Variants in TLK2 observed in about 807,000 individuals in gnomAD.
The protein encoded by TLK2 is tousled like kinase 2, also known as serine/threonine-protein kinase tousled-like 2.
A neutral mutation model predicts 117.3 loss-of-function variants in TLK2; 6 were observed. The observed-to-expected ratio is 0.05, with a 90% confidence interval of 0.03 to 0.10. The LOEUF (loss-of-function observed/expected upper bound fraction) is 0.10, where lower values mean the gene tolerates loss of function less well. TLK2 is among the 10% of genes least tolerant of loss of function. TLK2 has a pLI of 1.00. For synonymous variants in TLK2, 257 were observed against 316.7 expected (o/e 0.81, Z 2.00); for missense variants, 299 against 901.2 (o/e 0.33, Z 8.56).
intron 16 of TLK2, among the ~76,000 whole-genome samples, chr17:62,587,068 A>G (rs1400533177): frequency 6.6e-6 from 1 of 151,952 alleles, no homozygotes; most frequent in Non-Finnish European, 1.5e-5. Context: ...TCTATAGAAT[A>G]GTACTAGTGG....
intron 2 of TLK2, among the ~76,000 whole-genome samples, chr17:62,497,091 T>C (rs2073773769): frequency 6.6e-6 from 1 of 151,442 alleles, no homozygotes; most frequent in Non-Finnish European, 1.5e-5. Context: ...ACCCCATCTC[T>C]CCAAAAAATA....
intron 2 of TLK2, among the ~76,000 whole-genome samples, chr17:62,507,124 T>C (rs1029921444): frequency 1.2e-4 from 18 of 152,040 alleles, no homozygotes; most frequent in Non-Finnish European, 2.2e-4. Flanking sequence ...TGGGGTTTTT[T>C]TTGGCGGGGC....
At chr17:62,558,297 G>A (rs1055578453) in intron 9 of TLK2, among the ~76,000 whole-genome samples, 7 of 152,074 alleles carry the variant, frequency 4.6e-5, no homozygotes, top group African/African-American at 1.7e-4. Context: ...CGAACAGCTG[G>A]CATCAGAGGC....
chr17:62,605,690 A>G (rs939571530), intron 19 of TLK2, among the ~76,000 whole-genome samples: 2 of 152,038 alleles, frequency 1.3e-5, no homozygotes, highest in Non-Finnish European at 2.9e-5. Context: ...TTTCCATATA[A>G]GTCTAAGTTG....
At position 62,554,350 on chromosome 17, in the gene TLK2, G is replaced by C. The variant is rs527940183; in HGVS notation, c.720+595G>C. Reference sequence around the variant, plus strand: ...AGCACTTTGGGAGGCCAAGGCAGGTGGATCACTTGAGGTCAGGAGTTTGGG... The same window carrying C: ...AGCACTTTGGGAGGCCAAGGCAGGTCGATCACTTGAGGTCAGGAGTTTGGG... On this transcript the variant is annotated intron_variant, in intron 9 of 21. Transcript: ENST00000346027. Among the ~76,000 whole-genome samples the C allele has an allele frequency of 3.9e-5, 6 of 152,286 alleles. No individual in the cohort carries two copies. The East Asian group carries it at 1.2e-3, about 29-fold the overall frequency.
At chr17:62,607,615 C>A (rs186569335) in intron 20 of TLK2, among the ~76,000 whole-genome samples, 1 of 152,142 alleles carries the variant, frequency 6.6e-6, no homozygotes, top group Non-Finnish European at 1.5e-5. Flanking sequence ...TCTGTCCTTA[C>A]CCCTCTTGGT....
chr17:62,486,808 T>C lies in TLK2; in HGVS notation c.81+5602T>C, dbSNP rs189747399. 2.0e-5 allele frequency among the ~76,000 whole-genome samples: 3 copies of C among 152,282 alleles called. No homozygotes were observed. The East Asian group carries it at 5.8e-4, about 29-fold the overall frequency. The stretch of plus-strand genomic sequence containing the variant: ...AGATCTTTTATAACAGGGATAATGG[T>C]TAACAAATCTGTACATAATCAACTC... On this transcript the variant is annotated intron_variant, in intron 2 of 21. Transcript: ENST00000346027.
intron 7 of TLK2, among the ~76,000 whole-genome samples, chr17:62,540,040 T>C (rs1392543773): frequency 6.6e-6 from 1 of 151,078 alleles, no homozygotes; most frequent in Non-Finnish European, 1.5e-5. Flanking sequence ...CTCCTCCTCC[T>C]CCTCCTCCTC....
At chr17:62,521,938 T>G (rs572790028) in intron 3 of TLK2, among the ~76,000 whole-genome samples, 1 of 152,174 alleles carries the variant, frequency 6.6e-6, no homozygotes, top group Non-Finnish European at 1.5e-5. Context: ...AAATATCTTA[T>G]GAAGGTTTTG....
chr17:62,529,471 T>A (rs191169212), intron 6 of TLK2, among the ~76,000 whole-genome samples: 101 of 152,344 alleles, frequency 6.6e-4, no homozygotes, highest in Non-Finnish European at 1.2e-3. Flanking sequence ...TGGTCTCAAG[T>A]GATCTGCCTG....
In TLK2 at chr17:62,520,412, C is replaced by T. The variant is rs551702908; in HGVS notation, c.82-361C>T. On this transcript the variant is annotated intron_variant, in intron 2 of 21. Transcript: ENST00000346027. The stretch of plus-strand genomic sequence containing the variant: ...GCCCTCAGGGATGGGTGCGGTGGCT[C>T]ACAACTGTAATCCCAGCACTTTGGG... Among the ~76,000 whole-genome samples the T allele has an allele frequency of 5.3e-5, 8 of 152,172 alleles. No individual in the cohort carries two copies. The East Asian group carries it at 1.4e-3, about 26-fold the overall frequency.
chr17:62,580,736 A>G lies in TLK2; in HGVS notation c.1368+544A>G, dbSNP rs140775619. ...TGATTTTTACCAAATGAGGGATTCA[A>G]TATGTTTTAAATATAGCTACAGATC... On this transcript the variant is annotated intron_variant, in intron 15 of 21. Transcript: ENST00000346027. Among the ~76,000 whole-genome samples, 546 of 152,312 alleles carry G rather than the reference A, an allele frequency of 3.6e-3. 6 individuals carry two copies. The highest frequency in any genetic ancestry group is 0.012 in the African/African-American group (517 of 41,568).
At chr17:62,517,524 A>G (rs1460489468) in intron 2 of TLK2, among the ~76,000 whole-genome samples, 1 of 151,552 alleles carries the variant, frequency 6.6e-6, no homozygotes, top group Admixed American at 6.6e-5. Flanking sequence ...CCTCCCAAGT[A>G]GCTGGGACTA....
At chr17:62,522,411 C>G in intron 4 of TLK2, 138 bp downstream of exon 4, 1 of 948,892 alleles carries the variant, frequency 1.1e-6, no homozygotes, top group Non-Finnish European at 1.6e-6. Context: ...GAATATCAGA[C>G]TGTTTATTAC....
intron 16 of TLK2, among the ~76,000 whole-genome samples, chr17:62,594,828 A>AC (rs1473661390): frequency 1.5e-5 from 2 of 133,592 alleles, no homozygotes; most frequent in African/African-American, 5.5e-5. Flanking sequence ...ACACACACAC[A>AC]CACCCCATGT....
At chr17:62,546,558 C>CTT (rs1283721556) in intron 7 of TLK2, among the ~76,000 whole-genome samples, 20 of 131,176 alleles carry the variant, frequency 1.5e-4, no homozygotes, top group South Asian at 1.2e-3. Flanking sequence ...CTTTTTCTTT[C>CTT]TTTTTTTTTT....
chr17:62,592,907 C>T (rs568672986), intron 16 of TLK2, among the ~76,000 whole-genome samples: 22 of 152,306 alleles, frequency 1.4e-4, no homozygotes, highest in Non-Finnish European at 1.2e-4. Context: ...ATAAGGAGCA[C>T]ACAACCTAGA....
chr17:62,584,436 A>T (rs1567970904), intron 15 of TLK2, among the ~76,000 whole-genome samples: 1 of 152,154 alleles, frequency 6.6e-6, no homozygotes, highest in Non-Finnish European at 1.5e-5. Flanking sequence ...TTTAAAAATT[A>T]TTTGAAATGG....
intron 6 of TLK2, among the ~76,000 whole-genome samples, chr17:62,531,295 T>A (rs2076724539): frequency 6.6e-6 from 1 of 152,194 alleles, no homozygotes; most frequent in African/African-American, 2.4e-5. Context: ...CTTTATATAC[T>A]CCATCATGGA....
Sources: allele counts gnomAD v4.1 joint callset (sites outside exome capture counted in the v4.1 genomes callset), GRCh38; gene constraint gnomAD v4.1.1; transcripts MANE v1.5; gene names NCBI Gene and HGNC (gene_info 2026-07-23, HGNC 2026-07-21).